CACNG4: variants seen among roughly 807,000 people sequenced by gnomAD.
CACNG4 encodes voltage-dependent calcium channel gamma-4 subunit.
In CACNG4, 8 loss-of-function variants were observed where a neutral mutation model predicts 22.9. The ratio of observed to expected loss-of-function variants is 0.35; its 90% CI spans 0.21 to 0.63. CACNG4 has a LOEUF of 0.63. Ranked by LOEUF, CACNG4 falls within the 30% of genes least tolerant of loss-of-function variation. The probability of loss-of-function intolerance (pLI) is 0.72; values close to 1 mark genes in which losing one functional copy is unlikely to be tolerated. For synonymous variants in CACNG4, 188 were observed against 191.9 expected, an observed-to-expected ratio of 0.98 and a Z score of 0.17; for missense variants, 357 against 455.4, an observed-to-expected ratio of 0.78 and a Z score of 1.97.
In CACNG4 at chr17:67,013,882, G is replaced by T. The variant is rs992217792; in HGVS notation, c.221-4307G>T. Among the ~76,000 whole-genome samples the T allele has an allele frequency of 7.2e-5, 11 of 152,140 alleles. No homozygotes were observed. The East Asian group carries it at 2.1e-3, about 29-fold the overall frequency. ...TGAAGGGATATACACGTGTGCAGAC[G>T]AGCCTGTACCTGCTCATGAAGGGGC... On this transcript the variant is annotated intron_variant, in intron 1 of 3. Transcript: ENST00000262138.
At chr17:67,010,382 G>C (rs1308700870) in intron 1 of CACNG4, among the ~76,000 whole-genome samples, 1 of 152,104 alleles carries the variant, frequency 6.6e-6, no homozygotes, top group Non-Finnish European at 1.5e-5. Context: ...GAACGTCTTG[G>C]AGCTCTGTGT....
At chr17:67,009,557 C>T (rs1326064147) in intron 1 of CACNG4, among the ~76,000 whole-genome samples, 1 of 152,210 alleles carries the variant, frequency 6.6e-6, no homozygotes, top group African/African-American at 2.4e-5. Flanking sequence ...TCCATTCAGG[C>T]TGCTAACAAA....
At chr17:67,008,180 G>A (rs1188291069) in intron 1 of CACNG4, among the ~76,000 whole-genome samples, 2 of 152,128 alleles carry the variant, frequency 1.3e-5, no homozygotes, top group Non-Finnish European at 2.9e-5. Context: ...GGCTTACGAG[G>A]GTCTCATGGA....
At chr17:67,022,136 C>T (rs967925885) in intron 2 of CACNG4, among the ~76,000 whole-genome samples, 1 of 148,536 alleles carries the variant, frequency 6.7e-6, no homozygotes, top group Non-Finnish European at 1.5e-5. Flanking sequence ...AGTGCAGTGG[C>T]GCGATCTTGG....
chr17:67,010,972 G>A (rs76763648), intron 1 of CACNG4, among the ~76,000 whole-genome samples: 4,452 of 152,250 alleles, frequency 0.029, 200 homozygotes, highest in African/African-American at 0.097. Flanking sequence ...TGTTACCTGA[G>A]TACAGCTACC....
chr17:66,985,613 G>C (rs947470390), intron 1 of CACNG4, among the ~76,000 whole-genome samples: 4 of 152,176 alleles, frequency 2.6e-5, no homozygotes, highest in Non-Finnish European at 5.9e-5. Context: ...AATATACAGA[G>C]GCACACGTCT....
chr17:66,978,264 C>A (rs2143285094), intron 1 of CACNG4, among the ~76,000 whole-genome samples: 1 of 152,286 alleles, frequency 6.6e-6, no homozygotes, highest in Non-Finnish European at 1.5e-5. Context: ...ACCTGCTATG[C>A]AAGTTTGCTG....
rs2143374974 is a variant in CACNG4, at chr17:67,027,226, G to A, written c.445+2226G>A. 6.6e-6 allele frequency among the ~76,000 whole-genome samples: 1 copy of A among 152,320 alleles called. No individual in the cohort carries two copies. The highest frequency in any genetic ancestry group is 2.1e-4 in the South Asian group (1 of 4,830). ...GCCAGCCTCCAAAGCCCTTCGAGGTGCCCCCTGCAGCTGCCCGTGCCCCCA... is the reference window on the plus strand; with the variant it reads ...GCCAGCCTCCAAAGCCCTTCGAGGTACCCCCTGCAGCTGCCCGTGCCCCCA... On this transcript the variant is annotated intron_variant, in intron 3 of 3. Transcript: ENST00000262138. The surrounding 1 kb of genome is among the most constrained non-coding windows in gnomAD (Gnocchi z 4.3).
chr17:67,023,189 G>T (rs559683061), intron 2 of CACNG4, among the ~76,000 whole-genome samples: 48 of 150,332 alleles, frequency 3.2e-4, no homozygotes, highest in African/African-American at 1.1e-3. Flanking sequence ...GATGCTCGTC[G>T]TTGGATCTAG....
chr17:67,004,905 G>A (rs1462716591), intron 1 of CACNG4, among the ~76,000 whole-genome samples: 6 of 152,110 alleles, frequency 3.9e-5, no homozygotes, highest in African/African-American at 4.8e-5. Context: ...TGTACTTTTA[G>A]TAGAGACAAG....
At chr17:67,000,558 A>T (rs968136176) in intron 1 of CACNG4, among the ~76,000 whole-genome samples, 1 of 152,136 alleles carries the variant, frequency 6.6e-6, no homozygotes, top group African/African-American at 2.4e-5. Flanking sequence ...CTGCTCTGGG[A>T]CATGGATCCT....
Position 67,024,873 on chromosome 17 carries a change from C to G in CACNG4, c.318C>G (p.Ala106=), listed in dbSNP as rs755945409. The change falls in exon 3 of 4, where the codon GCC becomes GCG. Residue 106 remains alanine, a synonymous_variant. Transcript: ENST00000262138. ...SSEYLLRIVR[A]SSVFPILSTI... ...CTCCCCGGCCAGGCATCGTGCGAGC[C>G]TCCAGCGTCTTCCCCATCCTCAGCA... 6.4e-7 allele frequency: 1 copy of G among 1,573,010 alleles called. No homozygotes were observed. The highest frequency in any genetic ancestry group is 1.8e-5 in the Admixed American group (1 of 55,118).
chr17:67,020,752 T>C (rs1241485247), intron 2 of CACNG4, among the ~76,000 whole-genome samples: 1 of 152,214 alleles, frequency 6.6e-6, no homozygotes, highest in Non-Finnish European at 1.5e-5. Flanking sequence ...ACAACTGGCA[T>C]GTGTTTCCAG....
rs80299841 is a variant in CACNG4, at chr17:67,010,339, A to C, written c.221-7850A>C. On this transcript the variant is annotated intron_variant, in intron 1 of 3. Coordinates refer to ENST00000262138, the MANE Select transcript of CACNG4 (RefSeq NM_014405.4). ...AGTCTAATCCTAAGGAGTGTTGGGG[A>C]CATGTGCTTCCCCATCATGCTGAAG... Among the ~76,000 whole-genome samples the C allele has an allele frequency of 8.5e-4, 129 of 152,260 alleles. No homozygotes were observed. The East Asian group carries it at 0.017, about 20-fold the overall frequency.
chr17:66,975,899 C>T (rs2035232971), intron 1 of CACNG4, among the ~76,000 whole-genome samples: 2 of 152,274 alleles, frequency 1.3e-5, no homozygotes, highest in Non-Finnish European at 2.9e-5. Flanking sequence ...GTGTTCCCAA[C>T]ATCACATTTT....
intron 1 of CACNG4, among the ~76,000 whole-genome samples, chr17:66,972,079 G>A (rs1412018554): frequency 6.6e-6 from 1 of 152,162 alleles, no homozygotes; most frequent in African/African-American, 2.4e-5. Context: ...GGAATGAAGG[G>A]TGACCTCCCA....
chr17:67,004,454 C>T (rs1195719702), intron 1 of CACNG4, among the ~76,000 whole-genome samples: 1 of 152,146 alleles, frequency 6.6e-6, no homozygotes, highest in East Asian at 1.9e-4. Context: ...CAAGCTTCCA[C>T]GCAGCGTGGG....
intron 1 of CACNG4, among the ~76,000 whole-genome samples, chr17:67,008,130 C>T (rs2035447837): frequency 1.3e-5 from 2 of 152,190 alleles, no homozygotes; most frequent in Non-Finnish European, 2.9e-5. Flanking sequence ...AGCAGGTGCT[C>T]AATAAATGTA....
intron 1 of CACNG4, among the ~76,000 whole-genome samples, chr17:67,012,667 C>T (rs545443058): frequency 1.9e-4 from 29 of 152,210 alleles, no homozygotes; most frequent in Non-Finnish European, 3.4e-4. Context: ...TCCAGTTGCA[C>T]GTGCGCGAGT....
Sources: allele counts gnomAD v4.1 joint callset (sites outside exome capture counted in the v4.1 genomes callset), GRCh38; gene constraint gnomAD v4.1.1; non-coding constraint Gnocchi (gnomAD v3.1); transcripts MANE v1.5; gene names NCBI Gene and HGNC (gene_info 2026-07-23, HGNC 2026-07-21).